Variants in CDH8 observed in about 807,000 individuals in gnomAD.
CDH8 encodes cadherin 8, also known as cadherin-8.
Under a neutral mutation model 68.1 loss-of-function variants are expected in CDH8, and 17 were observed. That is an observed-to-expected ratio of 0.25 (90% confidence interval 0.17 to 0.37). The LOEUF (loss-of-function observed/expected upper bound fraction) is 0.37, where lower values mean the gene tolerates loss of function less well. Ranked by LOEUF, CDH8 falls within the 10% of genes least tolerant of loss-of-function variation. CDH8 has a pLI of 1.00. For synonymous variants in CDH8, 372 were observed against 365.1 expected, an observed-to-expected ratio of 1.02 and a Z score of -0.21; for missense variants, 763 against 999.3, an observed-to-expected ratio of 0.76 and a Z score of 3.19.
At chr16:61,665,404 C>A (rs1963644990) in intron 10 of CDH8, among the ~76,000 whole-genome samples, 1 of 151,948 alleles carries the variant, frequency 6.6e-6, no homozygotes, top group African/African-American at 2.4e-5. Flanking sequence ...AACACAGGAA[C>A]AGAAAACCAA....
chr16:62,024,089 C>G (rs1422505525), intron 1 of CDH8, among the ~76,000 whole-genome samples: 2 of 151,920 alleles, frequency 1.3e-5, no homozygotes, highest in Admixed American at 1.3e-4. Flanking sequence ...TCTTCTCACT[C>G]CAGCCTCCCA....
At chr16:61,869,729 T>C (rs1291511466) in intron 3 of CDH8, among the ~76,000 whole-genome samples, 2 of 152,194 alleles carry the variant, frequency 1.3e-5, no homozygotes, top group Non-Finnish European at 2.9e-5. Flanking sequence ...TAGGTGCTTA[T>C]GAAAGGTAAA....
intron 7 of CDH8, among the ~76,000 whole-genome samples, chr16:61,796,595 T>C (rs1961506958): frequency 6.6e-6 from 1 of 152,210 alleles, no homozygotes; most frequent in South Asian, 2.1e-4. Context: ...TGATAACTAA[T>C]ATTCACAAGA....
At chr16:61,735,506 C>T (rs1051359558) in intron 8 of CDH8, among the ~76,000 whole-genome samples, 3 of 151,286 alleles carry the variant, frequency 2.0e-5, no homozygotes, top group African/African-American at 7.3e-5. Context: ...CATTCATTAC[C>T]TTATTATTCT....
At chr16:61,966,983 C>T (rs780944192) in intron 2 of CDH8, among the ~76,000 whole-genome samples, 10 of 152,108 alleles carry the variant, frequency 6.6e-5, no homozygotes, top group Non-Finnish European at 1.5e-4. Context: ...CACGGGAGGA[C>T]ACCTGAGGCC....
intron 2 of CDH8, among the ~76,000 whole-genome samples, chr16:61,928,096 A>G (rs16964083): frequency 0.046 from 6,944 of 152,294 alleles, 526 homozygotes; most frequent in African/African-American, 0.16. Context: ...GTGGTATTAC[A>G]TGGCTGGTTT....
chr16:61,929,487 G>A (rs1011982753), intron 2 of CDH8, among the ~76,000 whole-genome samples: 1 of 152,142 alleles, frequency 6.6e-6, no homozygotes, highest in African/African-American at 2.4e-5. Flanking sequence ...CTTATGAAGA[G>A]ACCTATTATA....
intron 8 of CDH8, among the ~76,000 whole-genome samples, chr16:61,741,149 T>C (rs970916920): frequency 6.6e-6 from 1 of 152,136 alleles, no homozygotes; most frequent in Admixed American, 6.5e-5. Flanking sequence ...TCCTGAATAT[T>C]TGATACTTAG....
chr16:61,718,461 T>C (rs1376104097), intron 9 of CDH8, among the ~76,000 whole-genome samples: 1 of 151,344 alleles, frequency 6.6e-6, no homozygotes, highest in Non-Finnish European at 1.5e-5. Flanking sequence ...AAAACTTAGT[T>C]TCTCTTTTCT....
At chr16:61,894,788 C>G (rs1465552297) in intron 3 of CDH8, among the ~76,000 whole-genome samples, 4 of 152,126 alleles carry the variant, frequency 2.6e-5, no homozygotes. Flanking sequence ...ACTTGCCCAT[C>G]ATATACTGAC....
intron 10 of CDH8, among the ~76,000 whole-genome samples, chr16:61,676,561 T>A (rs1255370350): frequency 6.6e-6 from 1 of 152,074 alleles, no homozygotes; most frequent in Non-Finnish European, 1.5e-5. Context: ...AATTCAAGAT[T>A]CATTCATGAT....
chr16:61,705,748 A>G (rs1016641522), intron 10 of CDH8, among the ~76,000 whole-genome samples: 2 of 147,666 alleles, frequency 1.4e-5, no homozygotes, highest in East Asian at 3.9e-4. Flanking sequence ...GTTAAGGAGG[A>G]AACTTTGTTT....
chr16:61,713,841 C>T lies in CDH8; in HGVS notation c.1654G>A (p.Asp552Asn). The T allele has an allele frequency of 6.8e-7, 1 of 1,469,258 alleles. No individual in the cohort carries two copies. The highest frequency in any genetic ancestry group is 9.5e-7 in the Non-Finnish European group (1 of 1,049,800). 91.0% of individuals were successfully genotyped at this position (1,469,258 alleles called of 1,614,324 possible). The change falls in exon 10 of 12, where the codon GAT (aspartate) becomes AAT (asparagine). Residue 552 changes from aspartate (D) to asparagine (N), a missense_variant and splice_region_variant. Physicochemically the swap from Asp to Asn is conservative, Grantham distance 23. Coordinates refer to ENST00000577390, the MANE Select transcript of CDH8 (RefSeq NM_001796.5). ...NPNFTIKKNE[D>N]NSLSILAKHN... Reference sequence around the variant, plus strand: ...TGTTTCACAAAGCTAATATATTTACCTTCATTTTTCTTGATGGTGAAATTC... The same window carrying T: ...TGTTTCACAAAGCTAATATATTTACTTTCATTTTTCTTGATGGTGAAATTC...
At chr16:61,960,001 T>TAC (rs1567545532) in intron 2 of CDH8, among the ~76,000 whole-genome samples, 52 of 81,322 alleles carry the variant, frequency 6.4e-4, no homozygotes, top group African/African-American at 4.0e-3. Flanking sequence ...TATATATATA[T>TAC]ATATATATAT....
chr16:62,025,864 A>G (rs1567573907), intron 1 of CDH8, among the ~76,000 whole-genome samples: 1 of 142,888 alleles, frequency 7.0e-6, no homozygotes, highest in Non-Finnish European at 1.5e-5. Flanking sequence ...ATTCATATCT[A>G]TTCTTCAAAA....
rs555119951 is a variant in CDH8, at chr16:61,919,012, C to G, written c.253-17539G>C. Among the ~76,000 whole-genome samples, 31 of 147,462 alleles carry G rather than the reference C, an allele frequency of 2.1e-4. 1 individual carries two copies. Among genetic ancestry groups the G allele is most frequent in the Admixed American group, 1.5e-3 (21 of 14,352 alleles). ...TCTTCAAGTGGGTCCCTGACCCTGACCCCCGAGCAGCCTAACTGGGAGGCA... is the reference window on the plus strand; with the variant it reads ...TCTTCAAGTGGGTCCCTGACCCTGAGCCCCGAGCAGCCTAACTGGGAGGCA... On this transcript the variant is annotated intron_variant, in intron 2 of 11. Transcript: ENST00000577390.
intron 1 of CDH8, among the ~76,000 whole-genome samples, chr16:62,024,569 C>A (rs1357151526): frequency 6.6e-6 from 1 of 152,122 alleles, no homozygotes; most frequent in East Asian, 1.9e-4. Flanking sequence ...GTTCCCTCTA[C>A]CTGAACTCAC....
intron 2 of CDH8, among the ~76,000 whole-genome samples, chr16:61,986,883 G>T (rs766931061): frequency 6.6e-6 from 1 of 152,168 alleles, no homozygotes; most frequent in Non-Finnish European, 1.5e-5. Flanking sequence ...GCATCTTAGT[G>T]TAGTTTTTCT....
chr16:61,754,118 AG>A (rs1487060868), intron 8 of CDH8, among the ~76,000 whole-genome samples: 2 of 152,184 alleles, frequency 1.3e-5, no homozygotes, highest in Non-Finnish European at 2.9e-5. Context: ...AGGTTCTCAA[AG>A]ATAAAATCCT....
Sources: gnomAD v4.1 joint callset for allele counts (sites outside exome capture counted in the v4.1 genomes callset) on GRCh38, gnomAD v4.1.1 for gene constraint, MANE v1.5 for transcripts, NCBI Gene and HGNC (gene_info 2026-07-23, HGNC 2026-07-21) for gene names.